Variants in ROBO3 observed in about 807,000 individuals in gnomAD.
ROBO3 encodes the protein roundabout homolog 3.
A neutral mutation model predicts 160.5 loss-of-function variants in ROBO3; 97 were observed. The ratio of observed to expected loss-of-function variants is 0.60; its 90% CI spans 0.51 to 0.72. ROBO3 has a LOEUF of 0.72. Ranked by LOEUF, ROBO3 falls within the 30% of genes least tolerant of loss-of-function variation. The probability of loss-of-function intolerance (pLI) is 0.00; values close to 1 mark genes in which losing one functional copy is unlikely to be tolerated. For synonymous variants in ROBO3, 780 were observed against 746.2 expected, an observed-to-expected ratio of 1.05 and a Z score of -0.74; for missense variants, 1,858 against 1,846.5, an observed-to-expected ratio of 1.01 and a Z score of -0.11.
In ROBO3 at chr11:124,868,964, G is replaced by A. The variant is rs1324193397; in HGVS notation, c.323G>A (p.Arg108Gln). The change falls in exon 2 of 28, where the codon CGG becomes CAG. Residue 108 changes from arginine to glutamine, a missense_variant. Transcript: ENST00000397801. The part of the protein sequence containing the change: ...YKNGARVATV[R>Q]EDPRAHRLLL... ...AACGGGGCGCGTGTGGCCACTGTGC[G>A]GGAGGATCCGCGTGCGCACCGCCTG... is the stretch of plus-strand genomic sequence containing the variant. 6.2e-7 allele frequency: 1 copy of A among 1,604,614 alleles called. No individual in the cohort carries two copies. Among genetic ancestry groups the A allele is most frequent in the South Asian group, 1.1e-5 (1 of 89,564 alleles).
At position 124,869,653 on chromosome 11, in the gene ROBO3, TA is replaced by T; in HGVS notation, c.645+47del. On this transcript the variant is annotated intron_variant, in intron 3 of 27. Coordinates refer to ENST00000397801, the MANE Select transcript of ROBO3 (RefSeq NM_022370.4). This position sits in a 1 kb window ranked among gnomAD's most constrained non-coding sequence, Gnocchi z 4.2. ...GGAGACCCCAACAAGGGAGGGGACA[TA>T]GGGTAGGGAGGTGACAAGGCTGGAG... 6.6e-7 allele frequency: 1 copy of T among 1,512,990 alleles called. No individual in the cohort carries two copies. The highest frequency in any genetic ancestry group is 8.9e-7 in the Non-Finnish European group (1 of 1,124,992). 93.7% of individuals were successfully genotyped at this position (1,512,990 alleles called of 1,614,324 possible).
chr11:124,878,551 C>A lies in ROBO3; in HGVS notation c.3321-33C>A, dbSNP rs1477566760. On this transcript the variant is annotated intron_variant, in intron 22 of 27. Coordinates refer to ENST00000397801, the MANE Select transcript of ROBO3 (RefSeq NM_022370.4). The surrounding 1 kb of genome is among the most constrained non-coding windows in gnomAD (Gnocchi z 4.3). Reference sequence around the variant, plus strand: ...ACGGGAAGGTATGGAAGCAGCTGAGCCCTTTCCTTCTCTCCTGCCTCTTTG... The same window carrying A: ...ACGGGAAGGTATGGAAGCAGCTGAGACCTTTCCTTCTCTCCTGCCTCTTTG... 1 of 1,604,894 alleles carries A rather than the reference C, an allele frequency of 6.2e-7. No individual in the cohort carries two copies. The highest frequency in any genetic ancestry group is 8.5e-7 in the Non-Finnish European group (1 of 1,174,846).
chr11:124,870,181 G>T lies in ROBO3; in HGVS notation c.783G>T (p.Leu261=). 6.2e-7 allele frequency: 1 copy of T among 1,614,042 alleles called. No homozygotes were observed. Among genetic ancestry groups the T allele is most frequent in the Non-Finnish European group, 8.5e-7 (1 of 1,179,904 alleles). The change falls in exon 5 of 28, where the codon CTG becomes CTT. Residue 261 remains leucine (L), a synonymous_variant. Coordinates refer to ENST00000397801, the MANE Select transcript of ROBO3 (RefSeq NM_022370.4). ...ACTCCATAGAGCGTCCCTCATTCCT[G>T]CGCAGACCAGTGAATCAGGTGGTCC... ...EVMVLERPSF[L]RRPVNQVVLA...
intron 5 of ROBO3, 42 bp downstream of exon 5, chr11:124,870,345 C>T (rs747769455): frequency 2.5e-6 from 4 of 1,591,530 alleles, no homozygotes; most frequent in Non-Finnish European, 3.4e-6. Flanking sequence ...CCAACCTGAT[C>T]AAGAGACTAT....
rs1275172041 is a variant in ROBO3 at position 124,881,372 on chromosome 11, G to A, written c.*122G>A. Reference sequence around the variant, plus strand: ...CCCATTGGTTTCCACGATTTCAATTGGCTGAGAAGGCAGAGAGCTAGCTCC... The same window carrying A: ...CCCATTGGTTTCCACGATTTCAATTAGCTGAGAAGGCAGAGAGCTAGCTCC... On this transcript the variant is annotated 3_prime_UTR_variant, in exon 28 of 28. Transcript: ENST00000397801. The A allele has an allele frequency of 2.1e-6, 2 of 935,112 alleles. No homozygotes were observed. The highest frequency in any genetic ancestry group is 3.3e-6 in the Non-Finnish European group (2 of 598,198). 57.9% of individuals were successfully genotyped at this position (935,112 alleles called of 1,614,324 possible).
Position 124,873,993 on chromosome 11 carries a change from TAG to T in ROBO3, c.1785-72_1785-71del, listed in dbSNP as rs939663735. Reference sequence around the variant, plus strand: ...AAGGGGAAGACATAATGGTCGTTCATAGAGAGTGGATGAGATGGAGTAGGCAG... The same window carrying T: ...AAGGGGAAGACATAATGGTCGTTCATAGAGTGGATGAGATGGAGTAGGCAG... On this transcript the variant is annotated intron_variant, in intron 11 of 27. Coordinates refer to ENST00000397801, the MANE Select transcript of ROBO3 (RefSeq NM_022370.4). The surrounding 1 kb of genome is among the most constrained non-coding windows in gnomAD (Gnocchi z 4.5). 3 of 1,595,264 alleles carry T rather than the reference TAG, an allele frequency of 1.9e-6. No homozygotes were observed. In the Admixed American group the frequency reaches 5.0e-5, roughly 27 times the overall value.
chr11:124,875,717 G>C (rs377168040), intron 15 of ROBO3, 32 bp downstream of exon 15: 15 of 1,578,526 alleles, frequency 9.5e-6, no homozygotes, highest in Non-Finnish European at 1.3e-5. Flanking sequence ...TGGATGGGAG[G>C]GCCAGGCCGG....
Position 124,873,082 on chromosome 11 carries a change from A to G in ROBO3, c.1529A>G (p.Asn510Ser), listed in dbSNP as rs764370819. 2.5e-5 allele frequency: 41 copies of G among 1,613,342 alleles called. No individual in the cohort carries two copies. Among genetic ancestry groups the G allele is most frequent in the Non-Finnish European group, 3.1e-5 (37 of 1,179,648 alleles). Residue 510 changes from asparagine to serine, a missense_variant, in exon 9 of 28, where the codon AAT (asparagine) becomes AGT (serine). Transcript: ENST00000397801. The surrounding 1 kb of genome is among the most constrained non-coding windows in gnomAD (Gnocchi z 4.5). ...GCCAACGGTACCCTGTACATCGCCA[A>G]TGTGCAGGTGAGTGTCACCCCTGGG... ...TMANGTLYIA[N>S]VQEMDMGFYS... is the part of the protein sequence containing the mutation.
chr11:124,875,510 G>A, intron 14 of ROBO3, 54 bp from the exon 15 acceptor site: 1 of 1,600,580 alleles, frequency 6.2e-7, no homozygotes. Flanking sequence ...GGGCAGGAGG[G>A]GCAGCTTGCA....
chr11:124,880,159 G>A (rs926506490), intron 26 of ROBO3, among the ~76,000 whole-genome samples: 2 of 152,250 alleles, frequency 1.3e-5, no homozygotes, highest in African/African-American at 4.8e-5. Flanking sequence ...CCAGATAAGA[G>A]GACTGGGCTC....
chr11:124,877,729 G>A (rs747335178), intron 20 of ROBO3, 71 bp downstream of exon 20: 4 of 1,555,826 alleles, frequency 2.6e-6, no homozygotes, highest in African/African-American at 1.4e-5. Context: ...ACCGAAGGGC[G>A]CCCGGGAGCC....
intron 25 of ROBO3, 93 bp downstream of exon 25, chr11:124,879,668 A>G: frequency 6.5e-7 from 1 of 1,532,052 alleles, no homozygotes; most frequent in Non-Finnish European, 8.9e-7. Flanking sequence ...AGGAGGGAAC[A>G]GGTGAACCCC....
At chr11:124,870,416 C>G (rs1005559876) in intron 5 of ROBO3, 113 bp downstream of exon 5, 1 of 1,483,206 alleles carries the variant, frequency 6.7e-7, no homozygotes, top group Non-Finnish European at 9.1e-7. Flanking sequence ...GAAGTCTGTT[C>G]CCTAGAGCCT....
rs770611740 is a variant in ROBO3 at position 124,876,145 on chromosome 11, G to A, written c.2593+20G>A. 3 of 1,583,436 alleles carry A rather than the reference G, an allele frequency of 1.9e-6. No individual in the cohort carries two copies. Among genetic ancestry groups the A allele is most frequent in the South Asian group, 2.2e-5 (2 of 89,002 alleles). On this transcript the variant is annotated intron_variant, in intron 16 of 27. Coordinates refer to ENST00000397801, the MANE Select transcript of ROBO3 (RefSeq NM_022370.4). The surrounding 1 kb of genome is among the most constrained non-coding windows in gnomAD (Gnocchi z 5.3). The stretch of plus-strand genomic sequence containing the variant: ...AGCTGCGTGAGTCCACCCGAGGGCA[G>A]TGCTGAGGATCTTGACGGGGGCGGG...
In ROBO3 at chr11:124,870,248, G is replaced by C; in HGVS notation, c.850G>C (p.Asp284His). The C allele has an allele frequency of 6.2e-7, 1 of 1,614,058 alleles. No homozygotes were observed. The highest frequency in any genetic ancestry group is 8.5e-7 in the Non-Finnish European group (1 of 1,179,898). The change falls in exon 5 of 28, where the codon GAT (aspartate) becomes CAT (histidine). Residue 284 changes from aspartate (D) to histidine (H), a missense_variant. Asp to His is a moderately conservative substitution (Grantham distance 81). Transcript: ENST00000397801. ...PVTFLCEVKG[D>H]PPPRLRWRKE... is the part of the protein sequence containing the mutation. ...GACTTTCCTATGTGAGGTGAAGGGG[G>C]ATCCCCCACCTCGTCTACGCTGGCG... is the stretch of plus-strand genomic sequence containing the variant.
rs375010463 is a variant in ROBO3, at chr11:124,878,725, C to T, written c.3462C>T (p.Ala1154=). Reference sequence around the variant, plus strand: ...CTTCCTATGGACAGCAGTCCACAGCCACTCTTACACCCTCACCTCCTGACC... The same window carrying T: ...CTTCCTATGGACAGCAGTCCACAGCTACTCTTACACCCTCACCTCCTGACC... ...PTPSYGQQST[A]TLTPSPPDPP... Residue 1154 remains alanine (A), a synonymous_variant, in exon 23 of 28, where the codon GCC becomes GCT. Transcript: ENST00000397801. The surrounding 1 kb of genome is among the most constrained non-coding windows in gnomAD (Gnocchi z 4.3). The T allele has an allele frequency of 4.5e-5, 73 of 1,613,796 alleles. No homozygotes were observed. Among genetic ancestry groups the T allele is most frequent in the Admixed American group, 2.3e-4 (14 of 60,006 alleles).
At chr11:124,870,380 G>C (rs997751757) in intron 5 of ROBO3, 77 bp downstream of exon 5, 1 of 1,536,060 alleles carries the variant, frequency 6.5e-7, no homozygotes, top group African/African-American at 1.4e-5. Flanking sequence ...CCGGAAGACA[G>C]GCACATTCTC....
At position 124,868,788 on chromosome 11, in the gene ROBO3, C is replaced by G. The variant is rs747503043; in HGVS notation, c.161-14C>G. The G allele has an allele frequency of 5.0e-6, 8 of 1,596,384 alleles. No individual in the cohort carries two copies. The highest frequency in any genetic ancestry group is 3.4e-6 in the Non-Finnish European group (4 of 1,170,736). The stretch of plus-strand genomic sequence containing the variant: ...TTCCCTGTCTGAACGCTCTGCGCCA[C>G]CCCCTGTCCCCAGGGTCAAGGGTAG... On this transcript the variant is annotated splice_polypyrimidine_tract_variant and intron_variant, in intron 1 of 27. Transcript: ENST00000397801.
In ROBO3 at chr11:124,875,287, G is replaced by A. The variant is rs1946339373; in HGVS notation, c.2250G>A (p.Glu750=). The A allele has an allele frequency of 6.2e-7, 1 of 1,613,658 alleles. No individual in the cohort carries two copies. The highest frequency in any genetic ancestry group is 8.5e-7 in the Non-Finnish European group (1 of 1,179,876). ...TCAAGGTGCAAGCCCAAGGCCAGGA[G>A]GGGCTGGGGGCTGAAAGCCTCTCTG... is the stretch of plus-strand genomic sequence containing the variant. ...IQIKVQAQGQ[E]GLGAESLSVT... The change falls in exon 14 of 28, where the codon GAG becomes GAA. Residue 750 remains glutamate (E), a synonymous_variant. Coordinates refer to ENST00000397801, the MANE Select transcript of ROBO3 (RefSeq NM_022370.4).
Sources: allele counts gnomAD v4.1 joint callset (sites outside exome capture counted in the v4.1 genomes callset), GRCh38; gene constraint gnomAD v4.1.1; non-coding constraint Gnocchi (gnomAD v3.1); transcripts MANE v1.5; gene names NCBI Gene and HGNC (gene_info 2026-07-23, HGNC 2026-07-21).